Variants in DACH2 observed in about 807,000 individuals in gnomAD.
DACH2 encodes dachshund family transcription factor 2.
Under a neutral mutation model 35.8 loss-of-function variants are expected in DACH2, and 17 were observed. That is an observed-to-expected ratio of 0.48 (90% CI 0.33 to 0.71). The LOEUF is 0.71. Ranked by LOEUF, DACH2 falls within the 30% of genes least tolerant of loss-of-function variation. The probability of loss-of-function intolerance (pLI) is 0.02; values close to 1 mark genes in which losing one functional copy is unlikely to be tolerated. For synonymous variants in DACH2, 195 were observed against 177.3 expected (o/e 1.10, Z -0.79); for missense variants, 469 against 472.7 (o/e 0.99, Z 0.07).
At chrX:86,701,268 T>A (rs971577141) in intron 5 of DACH2, among the ~76,000 whole-genome samples, 1 of 111,721 alleles carries the variant, frequency 9.0e-6, no homozygotes, top group African/African-American at 3.3e-5. Flanking sequence ...AACCACATGG[T>A]TATCTCAATA....
chrX:86,754,911 G>A (rs146519988), intron 7 of DACH2, among the ~76,000 whole-genome samples: 3,212 of 111,427 alleles, frequency 0.029, 122 homozygotes, highest in African/African-American at 0.099. Context: ...TATTTGTTTG[G>A]TATACTGATT....
chrX:86,720,767 G>T (rs760349137), intron 6 of DACH2, among the ~76,000 whole-genome samples: 139 of 112,581 alleles, frequency 1.2e-3, no homozygotes, highest in African/African-American at 4.1e-3. Flanking sequence ...AATCTGTGTG[G>T]GGGTCACATG....
At chrX:86,656,857 G>GTGTATATATATA (rs1333268452) in intron 4 of DACH2, among the ~76,000 whole-genome samples, 8 of 66,745 alleles carry the variant, frequency 1.2e-4, no homozygotes, top group African/African-American at 4.3e-4. Context: ...GTGTGTGTGT[G>GTGTATATATATA]TATATATATA....
At chrX:86,340,578 A>G (rs58743557) in intron 1 of DACH2, among the ~76,000 whole-genome samples, 344 of 111,388 alleles carry the variant, frequency 3.1e-3, no homozygotes, top group African/African-American at 0.01. Flanking sequence ...TAAGTGTTCA[A>G]GTGAAAGGAA....
intron 1 of DACH2, among the ~76,000 whole-genome samples, chrX:86,187,092 A>G (rs1015133393): frequency 3.6e-5 from 4 of 112,066 alleles, no homozygotes; most frequent in African/African-American, 1.3e-4. Context: ...ATCTTGAAAT[A>G]GCTTAACAGT....
intron 1 of DACH2, among the ~76,000 whole-genome samples, chrX:86,203,081 A>ACAATT (rs748699451): frequency 2.2e-4 from 24 of 111,377 alleles, no homozygotes; most frequent in Non-Finnish European, 3.6e-4. Context: ...GGGCAAGAAA[A>ACAATT]CAATTCTGTT....
intron 1 of DACH2, among the ~76,000 whole-genome samples, chrX:86,226,842 T>C (rs1347254322): frequency 1.8e-5 from 2 of 111,609 alleles, no homozygotes; most frequent in Admixed American, 1.9e-4. Flanking sequence ...CCAAATAATC[T>C]AATACATATT....
chrX:86,826,497 A>G (rs186926689), intron 11 of DACH2, among the ~76,000 whole-genome samples: 45,529 of 110,230 alleles, frequency 0.41, 7,352 homozygotes, highest in African/African-American at 0.53. Flanking sequence ...TTCTGAAAAA[A>G]AAATGATTCC....
At chrX:86,398,088 G>A (rs1027535556) in intron 2 of DACH2, among the ~76,000 whole-genome samples, 5 of 112,011 alleles carry the variant, frequency 4.5e-5, no homozygotes, top group African/African-American at 1.6e-4. Flanking sequence ...TCTATTCAGA[G>A]ATTCAACTTC....
chrX:86,585,114 G>A (rs1371357584), intron 3 of DACH2, among the ~76,000 whole-genome samples: 1 of 110,489 alleles, frequency 9.1e-6, no homozygotes, highest in Admixed American at 9.7e-5. Context: ...ATCAACATAC[G>A]CATGCATGTG....
At chrX:86,785,575 T>C (rs1469538645) in intron 7 of DACH2, among the ~76,000 whole-genome samples, 2 of 111,905 alleles carry the variant, frequency 1.8e-5, no homozygotes, top group Admixed American at 9.5e-5. Flanking sequence ...AAAAGCTTAA[T>C]TGAAGTAAGT....
chrX:86,158,935 C>T (rs10127174), intron 1 of DACH2, among the ~76,000 whole-genome samples: 4,290 of 110,965 alleles, frequency 0.039, 204 homozygotes, highest in African/African-American at 0.13. Flanking sequence ...GTGTTCTTAT[C>T]TTATAAAGTA....
At position 86,614,234 on chromosome X, in the gene DACH2, C is replaced by T. The variant is rs531969977; in HGVS notation, c.641-36802C>T. Among the ~76,000 whole-genome samples the T allele has an allele frequency of 1.9e-4, 21 of 111,478 alleles. No homozygotes were observed. In the South Asian group the frequency reaches 7.8e-3, roughly 42 times the overall value. The stretch of plus-strand genomic sequence containing the variant: ...TTTGAACTATAATTATGTCAAGATT[C>T]ATTATCTTAGGTGGAACTTGATAGT... On this transcript the variant is annotated intron_variant, in intron 3 of 11. Coordinates refer to ENST00000373125, the MANE Select transcript of DACH2 (RefSeq NM_053281.3).
At chrX:86,819,569 C>A (rs180790822) in intron 11 of DACH2, among the ~76,000 whole-genome samples, 10 of 112,032 alleles carry the variant, frequency 8.9e-5, no homozygotes, top group African/African-American at 3.2e-4. Context: ...CATTAGCTAA[C>A]AAAGTAATAT....
rs200042636 is a variant in DACH2 at position 86,268,490 on chromosome X, A to ATTTATTTTATTTTATTTTAT, written c.489-108291_489-108272dup. ...AAAATTTTTTTCATTCATTTAAAAC[A>ATTTATTTTATTTTATTTTAT]TTTATTTTATTTTATTTTATTTTAT... On this transcript the variant is annotated intron_variant, in intron 1 of 11. Coordinates refer to ENST00000373125, the MANE Select transcript of DACH2 (RefSeq NM_053281.3). Among the ~76,000 whole-genome samples, 470 of 77,183 alleles carry ATTTATTTTATTTTATTTTAT rather than the reference A, an allele frequency of 6.1e-3. 6 individuals carry two copies. The highest frequency in any genetic ancestry group is 0.011 in the Admixed American group (68 of 6,370). The allele number at this position is 77,183 out of a possible 115,157, so 67.0% of individuals were successfully genotyped here. A position where few individuals can be genotyped will look rare whatever the true frequency, so the allele number is the denominator to read the frequency against.
At chrX:86,213,361 C>T (rs892989581) in intron 1 of DACH2, among the ~76,000 whole-genome samples, 3 of 110,827 alleles carry the variant, frequency 2.7e-5, no homozygotes, top group African/African-American at 9.8e-5. Flanking sequence ...TTGAGTCGTC[C>T]GTTTTTGTAA....
chrX:86,420,821 G>C (rs1301380618), intron 2 of DACH2, among the ~76,000 whole-genome samples: 1 of 111,353 alleles, frequency 9.0e-6, no homozygotes, highest in Non-Finnish European at 1.9e-5. Flanking sequence ...TATGAATTTT[G>C]TCTCTTAGAT....
chrX:86,204,535 C>A lies in DACH2; in HGVS notation c.488+55427C>A, dbSNP rs186186986. 3.6e-5 allele frequency among the ~76,000 whole-genome samples: 4 copies of A among 111,447 alleles called. No individual in the cohort carries two copies. The East Asian group carries it at 1.1e-3, about 31-fold the overall frequency. ...TGAAATAGAACTATTACTCTAGGTA[C>A]ATTATACACTAAATAGACCTTTGTG... On this transcript the variant is annotated intron_variant, in intron 1 of 11. Coordinates refer to ENST00000373125, the MANE Select transcript of DACH2 (RefSeq NM_053281.3).
At chrX:86,376,402 G>A (rs1377295595) in intron 1 of DACH2, among the ~76,000 whole-genome samples, 2 of 110,066 alleles carry the variant, frequency 1.8e-5, no homozygotes, top group Non-Finnish European at 3.8e-5. Flanking sequence ...CTAATGGGAT[G>A]GGAAGGAAGG....
Sources: gnomAD v4.1 joint callset for allele counts (sites outside exome capture counted in the v4.1 genomes callset) on GRCh38, gnomAD v4.1.1 for gene constraint, MANE v1.5 for transcripts, NCBI Gene and HGNC (gene_info 2026-07-23, HGNC 2026-07-21) for gene names.